RGS7: variants seen among roughly 807,000 people sequenced by gnomAD.
The protein encoded by RGS7 is regulator of G protein signaling 7, also known as regulator of G-protein signaling 7.
Under a neutral mutation model 81.1 loss-of-function variants are expected in RGS7, and 27 were observed. That is an observed-to-expected ratio of 0.33 (90% confidence interval 0.25 to 0.46). The LOEUF is 0.46. Ranked by LOEUF, RGS7 falls within the 20% of genes least tolerant of loss-of-function variation. The probability of loss-of-function intolerance (pLI) is 1.00; values close to 1 mark genes in which losing one functional copy is unlikely to be tolerated. For missense variants in RGS7, 396 were observed against 607.4 expected (o/e 0.65, Z 3.66); for synonymous variants, 208 against 207.7 (o/e 1.00, Z -0.01).
At chr1:241,097,134 G>C (rs1204367896) in intron 3 of RGS7, among the ~76,000 whole-genome samples, 2 of 151,874 alleles carry the variant, frequency 1.3e-5, no homozygotes, top group Non-Finnish European at 2.9e-5. Flanking sequence ...AGAGCACAGA[G>C]GCAAAAGCTT....
intron 2 of RGS7, among the ~76,000 whole-genome samples, chr1:241,222,954 G>A (rs939709486): frequency 1.3e-5 from 2 of 152,000 alleles, no homozygotes; most frequent in East Asian, 1.9e-4. Flanking sequence ...TGAGAATGAC[G>A]GTTTCCAGCT....
At position 241,166,265 on chromosome 1, in the gene RGS7, C is replaced by T. The variant is rs148227348; in HGVS notation, c.79-67503G>A. Among the ~76,000 whole-genome samples the T allele has an allele frequency of 9.5e-4, 145 of 152,238 alleles. 3 individuals are homozygous for T. In the East Asian group the frequency reaches 0.019, roughly 20 times the overall value. On this transcript the variant is annotated intron_variant, in intron 2 of 18. Transcript: ENST00000440928. Reference sequence around the variant, plus strand: ...GTGGGGAAAACATTTTAGGGAGAAGCGGCACACAGCAGTGACCTTGTGCAG... The same window carrying T: ...GTGGGGAAAACATTTTAGGGAGAAGTGGCACACAGCAGTGACCTTGTGCAG...
intron 3 of RGS7, among the ~76,000 whole-genome samples, chr1:241,063,374 TA>T (rs1558662818): frequency 6.6e-6 from 1 of 152,124 alleles, no homozygotes; most frequent in Non-Finnish European, 1.5e-5. Context: ...TAGTCTCCTC[TA>T]AAAAAGGCAG....
intron 6 of RGS7, among the ~76,000 whole-genome samples, chr1:240,879,156 A>C (rs1665976703): frequency 6.6e-6 from 1 of 152,194 alleles, no homozygotes; most frequent in African/African-American, 2.4e-5. Context: ...TAACCCTTTC[A>C]GTAGATTTCT....
rs566873771 is a variant in RGS7 at position 241,328,145 on chromosome 1, G to C, written c.78+27554C>G. Among the ~76,000 whole-genome samples the C allele has an allele frequency of 2.0e-5, 3 of 152,162 alleles. No individual in the cohort carries two copies. In the East Asian group the frequency reaches 5.8e-4, roughly 29 times the overall value. On this transcript the variant is annotated intron_variant, in intron 2 of 18. Transcript: ENST00000440928. ...TTTTGCTAGAGGTGGATGCTCTTAA[G>C]GACTGTTTAAAAAAAAGGTCTCACC...
intron 2 of RGS7, among the ~76,000 whole-genome samples, chr1:241,256,814 C>A (rs1452300229): frequency 2.6e-5 from 4 of 151,986 alleles, no homozygotes; most frequent in African/African-American, 4.8e-5. Flanking sequence ...AATATCATCT[C>A]ATTTTAACAC....
intron 2 of RGS7, among the ~76,000 whole-genome samples, chr1:241,116,018 G>A (rs554580061): frequency 1.3e-5 from 2 of 152,192 alleles, no homozygotes; most frequent in Admixed American, 6.5e-5. Flanking sequence ...TTGCCACCAC[G>A]TGTGCTTCCT....
At chr1:240,910,737 A>G (rs1192100556) in intron 6 of RGS7, among the ~76,000 whole-genome samples, 1 of 151,870 alleles carries the variant, frequency 6.6e-6, no homozygotes, top group Non-Finnish European at 1.5e-5. Context: ...TTTTTTTTTG[A>G]GACAGAGTCT....
intron 2 of RGS7, among the ~76,000 whole-genome samples, chr1:241,246,549 G>A (rs375178009): frequency 2.0e-5 from 3 of 152,138 alleles, no homozygotes; most frequent in Admixed American, 6.5e-5. Flanking sequence ...AACTGAAGAT[G>A]AAAAGAACAC....
Position 241,355,809 on chromosome 1 carries a change from A to G in RGS7, c.-33T>C. ...AAAACTTGGTCCACTCTCAAGATAC[A>G]AGAATTATCAGTGTGCCCTGCAAAG... On this transcript the variant is annotated 5_prime_UTR_variant, in exon 2 of 19. Coordinates refer to ENST00000440928, the MANE Select transcript of RGS7 (RefSeq NM_001364886.1). 3 of 1,575,328 alleles carry G rather than the reference A, an allele frequency of 1.9e-6. No homozygotes were observed. The highest frequency in any genetic ancestry group is 3.3e-5 in the Admixed American group (2 of 59,984).
At chr1:241,013,053 C>CTA (rs2059042714) in intron 3 of RGS7, among the ~76,000 whole-genome samples, 1 of 80,312 alleles carries the variant, frequency 1.2e-5, no homozygotes, top group African/African-American at 4.6e-5. Flanking sequence ...CTGACCCCTC[C>CTA]TTTTTTTTTT....
chr1:240,839,007 C>T (rs1009898598), intron 9 of RGS7, among the ~76,000 whole-genome samples: 13 of 152,138 alleles, frequency 8.5e-5, no homozygotes, highest in Non-Finnish European at 1.0e-4. Flanking sequence ...CCTCGTGATC[C>T]GCCTGCCTTG....
intron 3 of RGS7, among the ~76,000 whole-genome samples, chr1:241,094,238 AACACACACACACACACAC>A (rs149481776): frequency 1.7e-3 from 232 of 136,462 alleles, no homozygotes; most frequent in Admixed American, 3.1e-3. Context: ...GACATACATA[AACACACACACACACACAC>A]ACACACACAC....
At chr1:241,071,161 G>C (rs1464066787) in intron 3 of RGS7, among the ~76,000 whole-genome samples, 1 of 152,124 alleles carries the variant, frequency 6.6e-6, no homozygotes, top group Admixed American at 6.5e-5. Context: ...TATCTGCCTT[G>C]CTGGGCAGGT....
intron 2 of RGS7, among the ~76,000 whole-genome samples, chr1:241,325,917 A>AT (rs1022969413): frequency 1.9e-4 from 29 of 152,046 alleles, no homozygotes; most frequent in Admixed American, 1.8e-3. Context: ...CAACCGTTAC[A>AT]TTTTTTCTTT....
chr1:241,022,742 C>T (rs139873624), intron 3 of RGS7, among the ~76,000 whole-genome samples: 27 of 152,274 alleles, frequency 1.8e-4, no homozygotes, highest in African/African-American at 5.8e-4. Context: ...TCCAACATGG[C>T]GTGGCCAGCA....
chr1:241,026,710 G>C (rs1187685355), intron 3 of RGS7, among the ~76,000 whole-genome samples: 1 of 152,084 alleles, frequency 6.6e-6, no homozygotes, highest in Non-Finnish European at 1.5e-5. Flanking sequence ...CAGTAAGAGA[G>C]AGACACAACC....
At chr1:241,075,604 A>G (rs917164348) in intron 3 of RGS7, among the ~76,000 whole-genome samples, 3 of 152,214 alleles carry the variant, frequency 2.0e-5, no homozygotes, top group Non-Finnish European at 4.4e-5. Context: ...ATAAGAAAAA[A>G]AAATGCAAAA....
chr1:241,150,755 A>G (rs1173835474), intron 2 of RGS7, among the ~76,000 whole-genome samples: 3 of 152,216 alleles, frequency 2.0e-5, no homozygotes, highest in Non-Finnish European at 4.4e-5. Flanking sequence ...GAGTCACACA[A>G]TTATGGAGGC....
Sources: allele counts gnomAD v4.1 joint callset (sites outside exome capture counted in the v4.1 genomes callset), GRCh38; gene constraint gnomAD v4.1.1; transcripts MANE v1.5; gene names NCBI Gene and HGNC (gene_info 2026-07-23, HGNC 2026-07-21).